The following TSPAN14 variants were observed in gnomAD, a reference collection of about 807,000 sequenced individuals.
The protein encoded by TSPAN14 is tetraspanin 14, also known as tetraspanin-14.
TSPAN14 carries 16 observed loss-of-function variants against 36.6 expected under a neutral mutation model. The ratio of observed to expected loss-of-function variants is 0.44; its 90% confidence interval spans 0.30 to 0.66. The LOEUF (loss-of-function observed/expected upper bound fraction) is 0.66, where lower values mean the gene tolerates loss of function less well. Ranked by LOEUF, TSPAN14 falls within the 30% of genes least tolerant of loss-of-function variation. The probability of loss-of-function intolerance (pLI) is 0.12; values close to 1 mark genes in which losing one functional copy is unlikely to be tolerated. For synonymous variants in TSPAN14, 139 were observed against 143.8 expected (o/e 0.97, Z 0.24); for missense variants, 231 against 355.1 (o/e 0.65, Z 2.81).
At chr10:80,521,135 G>T in exon 9 of TSPAN14, 1 of 282,844 alleles carries the variant, frequency 3.5e-6, no homozygotes, top group Admixed American at 5.0e-5. Flanking sequence ...GAGGTGGCAG[G>T]CATGCATGTG....
chr10:80,477,988 G>A (rs915518169), intron 1 of TSPAN14, among the ~76,000 whole-genome samples: 50 of 152,174 alleles, frequency 3.3e-4, no homozygotes, highest in Middle Eastern at 3.4e-3. Context: ...AAACTTAGCC[G>A]CCCAAGGACT....
intron 1 of TSPAN14, among the ~76,000 whole-genome samples, chr10:80,459,687 T>C (rs947689601): frequency 3.3e-5 from 5 of 152,216 alleles, no homozygotes; most frequent in Non-Finnish European, 7.4e-5. Context: ...CCTGTGCTCC[T>C]GTACACTGCA....
intron 1 of TSPAN14, among the ~76,000 whole-genome samples, chr10:80,471,314 A>T (rs951806045): frequency 2.6e-5 from 4 of 151,904 alleles, no homozygotes; most frequent in Non-Finnish European, 5.9e-5. Context: ...CTGTGCACTG[A>T]TGGATTGCTG....
intron 5 of TSPAN14, among the ~76,000 whole-genome samples, chr10:80,511,701 A>T (rs1840629579): frequency 9.6e-6 from 1 of 104,108 alleles, no homozygotes; most frequent in Non-Finnish European, 1.8e-5. Context: ...AACACATCAA[A>T]AGGGCAGGTC....
intron 2 of TSPAN14, among the ~76,000 whole-genome samples, chr10:80,497,102 A>G (rs928425674): frequency 2.6e-5 from 4 of 152,218 alleles, no homozygotes; most frequent in Non-Finnish European, 5.9e-5. Context: ...TGTGAGATTC[A>G]TTCATGCAGT....
At chr10:80,515,995 T>G in intron 7 of TSPAN14, 1 of 642,126 alleles carries the variant, frequency 1.6e-6, no homozygotes, top group Non-Finnish European at 2.6e-6. Context: ...GAGCCTTTGG[T>G]CAGACAGGTG....
At chr10:80,507,956 T>C (rs551647709) in intron 4 of TSPAN14, among the ~76,000 whole-genome samples, 1 of 152,308 alleles carries the variant, frequency 6.6e-6, no homozygotes, top group Non-Finnish European at 1.5e-5. Flanking sequence ...GCTTTCTTTT[T>C]CTTGGACATA....
intron 1 of TSPAN14, among the ~76,000 whole-genome samples, chr10:80,473,685 G>GTTT (rs1352695254): frequency 7.6e-6 from 1 of 131,024 alleles, no homozygotes; most frequent in African/African-American, 2.9e-5. Flanking sequence ...ACCATGATGG[G>GTTT]TTTTTTTTTT....
rs768375833 is a variant in TSPAN14, at chr10:80,509,263, G to A, written c.280-38G>A. On this transcript the variant is annotated intron_variant, in intron 4 of 8. Transcript: ENST00000429989. The surrounding 1 kb of genome is among the most constrained non-coding windows in gnomAD (Gnocchi z 4.7). ...TATGTGTGTGGGGGTGCAGGCTGGTGGGGTGGTGACTTCTGCTCCCGTCCC... is the reference window on the plus strand; with the variant it reads ...TATGTGTGTGGGGGTGCAGGCTGGTAGGGTGGTGACTTCTGCTCCCGTCCC... 5 of 1,599,002 alleles carry A rather than the reference G, an allele frequency of 3.1e-6. No individual in the cohort carries two copies. Among genetic ancestry groups the A allele is most frequent in the Non-Finnish European group, 4.3e-6 (5 of 1,171,804 alleles).
chr10:80,518,502 C>T (rs987832079), exon 9 of TSPAN14: 2 of 171,616 alleles, frequency 1.2e-5, no homozygotes, highest in East Asian at 1.5e-4. Flanking sequence ...TGAGTGCCAG[C>T]GCAGTCTGCT....
At chr10:80,476,797 G>C (rs1297210495) in intron 1 of TSPAN14, among the ~76,000 whole-genome samples, 1 of 151,946 alleles carries the variant, frequency 6.6e-6, no homozygotes, top group Non-Finnish European at 1.5e-5. Context: ...CATGGATACA[G>C]AACTGTGGTT....
exon 2 of TSPAN14, chr10:80,489,254 T>A (rs1166330459): frequency 6.3e-7 from 1 of 1,585,214 alleles, no homozygotes; most frequent in Non-Finnish European, 8.6e-7. Flanking sequence ...ATAGATACTC[T>A]AACGCCAAGG....
At chr10:80,463,931 A>G (rs1846103396) in intron 1 of TSPAN14, among the ~76,000 whole-genome samples, 1 of 152,346 alleles carries the variant, frequency 6.6e-6, no homozygotes, top group Middle Eastern at 3.4e-3. Context: ...TCTTTGGTTC[A>G]GTTCAGGCCA....
At chr10:80,490,032 A>G (rs937314651) in intron 2 of TSPAN14, among the ~76,000 whole-genome samples, 4 of 152,244 alleles carry the variant, frequency 2.6e-5, no homozygotes, top group African/African-American at 9.6e-5. Context: ...GGACAGAGGC[A>G]TGCAGGATTC....
intron 1 of TSPAN14, among the ~76,000 whole-genome samples, chr10:80,479,429 T>C (rs1338698638): frequency 6.6e-6 from 1 of 152,230 alleles, no homozygotes; most frequent in Non-Finnish European, 1.5e-5. Context: ...GTTTTAGGTC[T>C]AACGTTTAAG....
At chr10:80,495,210 AT>A (rs1263892305) in intron 2 of TSPAN14, among the ~76,000 whole-genome samples, 1 of 152,170 alleles carries the variant, frequency 6.6e-6, no homozygotes, top group Non-Finnish European at 1.5e-5. Context: ...GCTGAGATAG[AT>A]TCCCAGGAGA....
intron 2 of TSPAN14, among the ~76,000 whole-genome samples, chr10:80,496,466 A>G (rs533228722): frequency 2.8e-4 from 42 of 152,296 alleles, no homozygotes; most frequent in Admixed American, 7.2e-4. Context: ...ACATGCTGGT[A>G]TAGTTGTCTT....
chr10:80,512,147 C>A, exon 6 of TSPAN14: 1 of 1,614,160 alleles, frequency 6.2e-7, no homozygotes, highest in Non-Finnish European at 8.5e-7. Flanking sequence ...GTTGCAGAAC[C>A]AGTGCTGTGG....
chr10:80,472,866 C>T (rs989279316), intron 1 of TSPAN14, among the ~76,000 whole-genome samples: 3 of 152,180 alleles, frequency 2.0e-5, no homozygotes, highest in Non-Finnish European at 4.4e-5. Flanking sequence ...CTGTGAATGA[C>T]AGCTCTTCAA....
Sources: allele counts gnomAD v4.1 joint callset (sites outside exome capture counted in the v4.1 genomes callset), GRCh38; gene constraint gnomAD v4.1.1; non-coding constraint Gnocchi (gnomAD v3.1); transcripts MANE v1.5; gene names NCBI Gene and HGNC (gene_info 2026-07-23, HGNC 2026-07-21).